LOC128462377: variants seen among roughly 807,000 people sequenced by gnomAD.
the LOC128462377 span, among the ~76,000 whole-genome samples, chr16:89,406,355 C>G: frequency 6.6e-6 from 1 of 152,122 alleles, no homozygotes; most frequent in African/African-American, 2.4e-5. Context: ...AAACCCACAC[C>G]TGGGCCTCGG....
chr16:89,394,877 T>C, the LOC128462377 span, among the ~76,000 whole-genome samples: 2 of 152,196 alleles, frequency 1.3e-5, no homozygotes, highest in African/African-American at 4.8e-5. Flanking sequence ...GCAGGTTGGC[T>C]GTAGCACTGT....
chr16:89,402,621 T>C, the LOC128462377 span, among the ~76,000 whole-genome samples: 1 of 122,902 alleles, frequency 8.1e-6, no homozygotes, highest in Non-Finnish European at 1.7e-5. Flanking sequence ...GTTCAAGCCT[T>C]GAGTGAGCTG....
At chr16:89,404,134 C>G in the LOC128462377 span, among the ~76,000 whole-genome samples, 1 of 152,206 alleles carries the variant, frequency 6.6e-6, no homozygotes, top group African/African-American at 2.4e-5. Flanking sequence ...GGAGTCCTCT[C>G]AGCACCAACA....
At chr16:89,381,331 C>CAAAAAAAA in the LOC128462377 span, among the ~76,000 whole-genome samples, 3 of 76,352 alleles carry the variant, frequency 3.9e-5, 1 homozygote, top group African/African-American at 1.7e-4. Context: ...GACTCTGCTG[C>CAAAAAAAA]AAAAAAAAAA....
chr16:89,333,977 C>A, the LOC128462377 span, among the ~76,000 whole-genome samples: 1 of 151,940 alleles, frequency 6.6e-6, no homozygotes, highest in South Asian at 2.1e-4. Context: ...TAAGAGCCCT[C>A]AATCTGTGGT....
At chr16:89,333,628 T>C in the LOC128462377 span, among the ~76,000 whole-genome samples, 6 of 152,288 alleles carry the variant, frequency 3.9e-5, no homozygotes, top group East Asian at 1.2e-3. Context: ...GTGTAGTCCT[T>C]GGAGACGGGC....
chr16:89,370,051 CCTT>C, the LOC128462377 span, among the ~76,000 whole-genome samples: 1 of 152,242 alleles, frequency 6.6e-6, no homozygotes, highest in Non-Finnish European at 1.5e-5. Flanking sequence ...AGAACGCAAA[CCTT>C]CTGGCTTCAG....
the LOC128462377 span, among the ~76,000 whole-genome samples, chr16:89,321,970 A>G: frequency 6.6e-6 from 1 of 152,206 alleles, no homozygotes; most frequent in South Asian, 2.1e-4. Context: ...TTTTCTCCTC[A>G]TGATCTCAGT....
the LOC128462377 span, among the ~76,000 whole-genome samples, chr16:89,373,962 G>A: frequency 2.0e-5 from 3 of 152,232 alleles, no homozygotes; most frequent in Non-Finnish European, 4.4e-5. Flanking sequence ...TGGGGCCCTG[G>A]CCCACTCGAC....
chr16:89,344,796 G>A, the LOC128462377 span, among the ~76,000 whole-genome samples: 5 of 152,170 alleles, frequency 3.3e-5, no homozygotes, highest in African/African-American at 1.2e-4. Flanking sequence ...AGAGGCGGCT[G>A]GAGCAGCAGC....
At chr16:89,338,495 C>G in the LOC128462377 span, among the ~76,000 whole-genome samples, 5 of 150,842 alleles carry the variant, frequency 3.3e-5, no homozygotes, top group African/African-American at 4.9e-5. Context: ...TTTGGGAGGC[C>G]GAGGCGGGCA....
the LOC128462377 span, among the ~76,000 whole-genome samples, chr16:89,347,942 CT>C: frequency 4.5e-4 from 66 of 146,236 alleles, no homozygotes; most frequent in Non-Finnish European, 3.8e-4. Context: ...GGGATTTTGT[CT>C]TTTTTTTTTT....
At chr16:89,395,649 T>C in the LOC128462377 span, 1 of 152,234 alleles carries the variant, frequency 6.6e-6, no homozygotes, top group African/African-American at 2.4e-5. Context: ...CAGACTCTTC[T>C]AAGGGTGTGA....
the LOC128462377 span, among the ~76,000 whole-genome samples, chr16:89,411,580 A>G: frequency 7.9e-5 from 12 of 151,992 alleles, no homozygotes; most frequent in African/African-American, 2.9e-4. Flanking sequence ...CGCCTGGCTA[A>G]TTTTTGTATT....
At chr16:89,341,113 T>C in the LOC128462377 span, among the ~76,000 whole-genome samples, 1 of 152,202 alleles carries the variant, frequency 6.6e-6, no homozygotes, top group African/African-American at 2.4e-5. Context: ...ACTGTTTATA[T>C]GCAATATTAG....
chr16:89,358,643 CA>C, the LOC128462377 span, among the ~76,000 whole-genome samples: 1 of 152,170 alleles, frequency 6.6e-6, no homozygotes, highest in Non-Finnish European at 1.5e-5. Context: ...ACTAAGATTT[CA>C]ACTGTTTACC....
the LOC128462377 span, among the ~76,000 whole-genome samples, chr16:89,358,184 T>A: frequency 2.0e-5 from 3 of 152,176 alleles, no homozygotes; most frequent in Non-Finnish European, 4.4e-5. Flanking sequence ...TGCCACCACG[T>A]GCGGGCAGAC....
the LOC128462377 span, among the ~76,000 whole-genome samples, chr16:89,359,981 T>C: frequency 1.3e-5 from 2 of 150,368 alleles, no homozygotes; most frequent in Non-Finnish European, 3.0e-5. Flanking sequence ...GGGGGGGAGG[T>C]TGTACGTGTT....
chr16:89,320,260 C>T, the LOC128462377 span: 2 of 152,264 alleles, frequency 1.3e-5, no homozygotes, highest in African/African-American at 4.8e-5. Flanking sequence ...CAACAGAAGG[C>T]ACCGGGTCTC....
Sources: allele counts gnomAD v4.1 joint callset (sites outside exome capture counted in the v4.1 genomes callset), GRCh38; gene constraint gnomAD v4.1.1; transcripts MANE v1.5.